The following APPBP2 variants were observed in gnomAD, a reference collection of about 807,000 sequenced individuals.
The protein encoded by APPBP2 is amyloid protein-binding protein 2.
A neutral mutation model predicts 76.0 loss-of-function variants in APPBP2; 15 were observed. The observed-to-expected ratio is 0.20, with a 90% CI of 0.13 to 0.30. APPBP2 has a LOEUF of 0.30. Among genes scored for constraint, APPBP2 ranks in the 10% least tolerant of loss-of-function variants. The pLI is 1.00. For synonymous variants in APPBP2, 222 were observed against 242.2 expected (o/e 0.92, Z 0.77); for missense variants, 401 against 687.2 (o/e 0.58, Z 4.66).
chr17:60,486,840 C>A (rs1319222710), intron 3 of APPBP2, among the ~76,000 whole-genome samples: 1 of 152,072 alleles, frequency 6.6e-6, no homozygotes, highest in Non-Finnish European at 1.5e-5. Flanking sequence ...ACCGGTTGTT[C>A]CTTTCCATCT....
intron 3 of APPBP2, among the ~76,000 whole-genome samples, chr17:60,487,592 G>A (rs1186347964): frequency 6.6e-6 from 1 of 152,072 alleles, no homozygotes; most frequent in African/African-American, 2.4e-5. Flanking sequence ...TTAGCCATTT[G>A]TCTAATCTTT....
In APPBP2 at chr17:60,445,358, G is replaced by A. The variant is rs931313665; in HGVS notation, c.*2223C>T. On this transcript the variant is annotated 3_prime_UTR_variant, in exon 13 of 13. Transcript: ENST00000083182. Reference sequence around the variant, plus strand: ...AGTGTGAGCTAAGTTGAGTTCAAATGGAGTTAGGGAGGATGAGGCTGTAAG... The same window carrying A: ...AGTGTGAGCTAAGTTGAGTTCAAATAGAGTTAGGGAGGATGAGGCTGTAAG... 2 of 152,528 alleles carry A rather than the reference G, an allele frequency of 1.3e-5. No individual in the cohort carries two copies. The highest frequency in any genetic ancestry group is 2.4e-5 in the African/African-American group (1 of 41,398). 9.4% of individuals were successfully genotyped at this position (152,528 alleles called of 1,614,324 possible).
rs907179364 is a variant in APPBP2 at position 60,444,805 on chromosome 17, G to A, written c.*2776C>T. ...TGATGCACCCAACTGGAGTAGCACC[G>A]AACTTTAGGAAAAGACTGGGTAGAA... On this transcript the variant is annotated 3_prime_UTR_variant, in exon 13 of 13. Coordinates refer to ENST00000083182, the MANE Select transcript of APPBP2 (RefSeq NM_006380.5). The A allele has an allele frequency of 2.0e-5, 3 of 152,440 alleles. No individual in the cohort carries two copies. Among genetic ancestry groups the A allele is most frequent in the South Asian group, 2.1e-4 (1 of 4,812 alleles). 9.4% of individuals were successfully genotyped at this position (152,440 alleles called of 1,614,324 possible).
intron 1 of APPBP2, among the ~76,000 whole-genome samples, chr17:60,511,051 AT>A (rs1401326572): frequency 6.6e-6 from 1 of 152,208 alleles, no homozygotes; most frequent in Non-Finnish European, 1.5e-5. Context: ...AATTTTCAAG[AT>A]AGTATGATTT....
chr17:60,455,397 A>C (rs1201624976), intron 10 of APPBP2, among the ~76,000 whole-genome samples: 1 of 152,228 alleles, frequency 6.6e-6, no homozygotes, highest in African/African-American at 2.4e-5. Context: ...AACTTAAAAA[A>C]TACAAACCTA....
chr17:60,505,154 G>C (rs1332233332), intron 1 of APPBP2, among the ~76,000 whole-genome samples: 1 of 152,178 alleles, frequency 6.6e-6, no homozygotes, highest in African/African-American at 2.4e-5. Context: ...CTAGATTACT[G>C]TAAAGGTTTG....
At chr17:60,500,160 A>G (rs746976403) in intron 2 of APPBP2, among the ~76,000 whole-genome samples, 44 of 152,028 alleles carry the variant, frequency 2.9e-4, no homozygotes, top group East Asian at 7.7e-4. Context: ...TAAGGCGCCT[A>G]CCACCACGCC....
intron 1 of APPBP2, chr17:60,513,590 G>A (rs981272766): frequency 8.8e-5 from 33 of 375,000 alleles, no homozygotes; most frequent in African/African-American, 6.0e-4. Context: ...GGGCGGGCAC[G>A]GTGGCTCACA....
chr17:60,502,228 A>G (rs2090828799), intron 1 of APPBP2, among the ~76,000 whole-genome samples: 1 of 152,150 alleles, frequency 6.6e-6, no homozygotes, highest in Non-Finnish European at 1.5e-5. Context: ...CGTTCAGCCT[A>G]TATTTGCTAT....
chr17:60,506,199 C>T (rs899812583), intron 1 of APPBP2, among the ~76,000 whole-genome samples: 29 of 151,468 alleles, frequency 1.9e-4, no homozygotes, highest in African/African-American at 7.0e-4. Context: ...CACTATGTTG[C>T]CTAGCCTGGT....
chr17:60,472,184 A>C lies in APPBP2; in HGVS notation c.504-5725T>G, dbSNP rs184515862. On this transcript the variant is annotated intron_variant, in intron 4 of 12. Transcript: ENST00000083182. ...AAAAACAAAAACAAAAACAAAACAA[A>C]ACAAGTTAGGAAGTGTTCCTTCCTC... Among the ~76,000 whole-genome samples, 500 of 152,192 alleles carry C rather than the reference A, an allele frequency of 3.3e-3. 3 individuals carry two copies. The highest frequency in any genetic ancestry group is 0.011 in the African/African-American group (474 of 41,518).
chr17:60,510,939 CAAGA>C (rs908598127), intron 1 of APPBP2, among the ~76,000 whole-genome samples: 1 of 139,320 alleles, frequency 7.2e-6, no homozygotes, highest in African/African-American at 3.4e-5. Context: ...ATCCATGAAA[CAAGA>C]AATTAAGAGT....
At chr17:60,470,001 C>A (rs1218096044) in intron 4 of APPBP2, among the ~76,000 whole-genome samples, 1 of 151,906 alleles carries the variant, frequency 6.6e-6, no homozygotes, top group African/African-American at 2.4e-5. Flanking sequence ...CAACAGTGCA[C>A]AAAGTTTCCA....
intron 4 of APPBP2, among the ~76,000 whole-genome samples, chr17:60,466,897 C>T (rs1428811427): frequency 6.6e-6 from 1 of 152,120 alleles, no homozygotes; most frequent in African/African-American, 2.4e-5. Context: ...CATGATGCTT[C>T]ATAATGTTCA....
intron 4 of APPBP2, among the ~76,000 whole-genome samples, chr17:60,472,411 G>T (rs536788877): frequency 6.6e-5 from 10 of 152,146 alleles, no homozygotes; most frequent in Admixed American, 3.9e-4. Context: ...TAAAAAATTT[G>T]TCCATTTTAT....
intron 1 of APPBP2, among the ~76,000 whole-genome samples, chr17:60,506,058 T>C (rs540553582): frequency 3.3e-5 from 5 of 151,332 alleles, no homozygotes; most frequent in African/African-American, 1.2e-4. Flanking sequence ...TGATCATGAC[T>C]CACTGGAGCC....
chr17:60,478,791 T>C (rs1481595348), intron 4 of APPBP2, among the ~76,000 whole-genome samples: 2 of 152,200 alleles, frequency 1.3e-5, no homozygotes. Flanking sequence ...ATGCCTGTAA[T>C]CCCAGCTACT....
At chr17:60,516,052 G>A (rs2090960347) in intron 1 of APPBP2, among the ~76,000 whole-genome samples, 1 of 152,090 alleles carries the variant, frequency 6.6e-6, no homozygotes, top group South Asian at 2.1e-4. Flanking sequence ...TGTAATCCCA[G>A]CTACTGGGGA....
At chr17:60,507,727 C>T (rs989811148) in intron 1 of APPBP2, among the ~76,000 whole-genome samples, 2 of 152,176 alleles carry the variant, frequency 1.3e-5, no homozygotes, top group Admixed American at 1.3e-4. Context: ...AAATTTGATA[C>T]TTTGGGAAAA....
Sources: allele counts gnomAD v4.1 joint callset (sites outside exome capture counted in the v4.1 genomes callset), GRCh38; gene constraint gnomAD v4.1.1; transcripts MANE v1.5; gene names NCBI Gene and HGNC (gene_info 2026-07-23, HGNC 2026-07-21).